The following ZFHX3 variants were observed in gnomAD, a reference collection of about 807,000 sequenced individuals.
ZFHX3 encodes the protein zinc finger homeobox 3.
ZFHX3 carries 42 observed loss-of-function variants against 279.1 expected under a neutral mutation model. The ratio of observed to expected loss-of-function variants is 0.15; its 90% CI spans 0.12 to 0.19. ZFHX3 has a LOEUF of 0.19. ZFHX3 is among the 10% of genes least tolerant of loss of function. The pLI, the probability that ZFHX3 is intolerant of heterozygous loss-of-function variation, is 1.00. For synonymous variants in ZFHX3, 2,293 were observed against 1,957.8 expected (o/e 1.17, Z -4.52); for missense variants, 4,981 against 4,754.0 (o/e 1.05, Z -1.40).
intron 3 of ZFHX3, among the ~76,000 whole-genome samples, chr16:72,908,346 A>G (rs1475569845): frequency 1.3e-5 from 2 of 152,254 alleles, no homozygotes; most frequent in Non-Finnish European, 2.9e-5. Context: ...ACCAGGGGCC[A>G]TGAGGCTTGA....
intron 7 of ZFHX3, among the ~76,000 whole-genome samples, chr16:73,106,969 G>A (rs1431976193): frequency 6.6e-6 from 1 of 152,166 alleles, no homozygotes; most frequent in Non-Finnish European, 1.5e-5. Context: ...CGGTTAGCAG[G>A]TGAGTCACTT....
chr16:73,006,346 A>G (rs1963700575), intron 1 of ZFHX3, among the ~76,000 whole-genome samples: 1 of 152,180 alleles, frequency 6.6e-6, no homozygotes, highest in African/African-American at 2.4e-5. Flanking sequence ...AATGCAGTCA[A>G]GTGTGACGGC....
At chr16:73,554,119 A>G (rs2020240882) in intron 2 of ZFHX3, among the ~76,000 whole-genome samples, 4 of 152,188 alleles carry the variant, frequency 2.6e-5, no homozygotes, top group Admixed American at 2.6e-4. Context: ...GCCAAGATTC[A>G]TCTCACTCTG....
intron 3 of ZFHX3, among the ~76,000 whole-genome samples, chr16:73,432,126 G>C (rs1457032117): frequency 6.6e-6 from 1 of 152,176 alleles, no homozygotes. Flanking sequence ...CTAAGCACAA[G>C]AAATAGAGTC....
At chr16:73,232,032 C>G (rs557823021) in intron 5 of ZFHX3, 1 of 152,316 alleles carries the variant, frequency 6.6e-6, no homozygotes, top group East Asian at 1.9e-4. Flanking sequence ...CAAGACATGG[C>G]GCTGACGGGA....
At chr16:73,593,905 T>C (rs868358058) in intron 2 of ZFHX3, among the ~76,000 whole-genome samples, 4 of 152,210 alleles carry the variant, frequency 2.6e-5, no homozygotes, top group Non-Finnish European at 5.9e-5. Flanking sequence ...ATCCTTTGTC[T>C]GACACAACGT....
At chr16:72,854,939 G>GA (rs376101622) in intron 4 of ZFHX3, among the ~76,000 whole-genome samples, 1 of 18,862 alleles carries the variant, frequency 5.3e-5, no homozygotes, top group African/African-American at 1.9e-4. Context: ...ATTGGTGGGT[G>GA]GGGGGGGGGT....
rs879457964 is a variant in ZFHX3 at position 73,504,769 on chromosome 16, G to C, written c.-1546-48511C>G. On this transcript the variant is annotated intron_variant, in intron 2 of 17. Transcript: ENST00000641206. ...ATGAAAGCTATCAGGATCTTCCCAC[G>C]TTTCCTGTCATTCCGTGGAGATTGG... 2 of 152,126 alleles carry C rather than the reference G, an allele frequency of 1.3e-5. 1 individual carries two copies. Among genetic ancestry groups the C allele is most frequent in the Admixed American group, 1.3e-4 (2 of 15,260 alleles). The allele number at this position is 152,126 out of a possible 1,614,324, so 9.4% of individuals were successfully genotyped here.
chr16:73,195,446 T>G (rs1244030734), intron 5 of ZFHX3, among the ~76,000 whole-genome samples: 1 of 144,622 alleles, frequency 6.9e-6, no homozygotes, highest in Non-Finnish European at 1.5e-5. Context: ...TGAGATGGAG[T>G]CTTGCTCTGT....
At chr16:73,651,566 G>A (rs146914393) in intron 2 of ZFHX3, among the ~76,000 whole-genome samples, 589 of 151,470 alleles carry the variant, frequency 3.9e-3, no homozygotes, top group Non-Finnish European at 5.7e-3. Flanking sequence ...GGCCGGGCAC[G>A]GTGGCTCACG....
At chr16:73,353,850 A>C (rs1365782360) in intron 3 of ZFHX3, among the ~76,000 whole-genome samples, 2 of 152,228 alleles carry the variant, frequency 1.3e-5, no homozygotes, top group Admixed American at 1.3e-4. Flanking sequence ...TGTTATTTTT[A>C]TTTATCAAAT....
rs148891422 is a variant in ZFHX3 at position 73,375,692 on chromosome 16, A to G, written c.-1290-57356T>C. On this transcript the variant is annotated intron_variant, in intron 3 of 17. Transcript: ENST00000641206. ...CTGTATCTCCTTTTCTCCATGCTAAAAAATCTCAATTATCCATGATAATAA... is the reference window on the plus strand; with the variant it reads ...CTGTATCTCCTTTTCTCCATGCTAAGAAATCTCAATTATCCATGATAATAA... 4.6e-3 allele frequency among the ~76,000 whole-genome samples: 706 copies of G among 152,362 alleles called. 1 individual carries two copies. Among genetic ancestry groups the G allele is most frequent in the South Asian group, 8.1e-3 (39 of 4,828 alleles).
At chr16:73,089,697 C>T (rs1966049060) in intron 8 of ZFHX3, among the ~76,000 whole-genome samples, 1 of 152,210 alleles carries the variant, frequency 6.6e-6, no homozygotes, top group South Asian at 2.1e-4. Flanking sequence ...GGAAGGCTCT[C>T]ATCCTTGCAG....
At chr16:72,812,080 G>A (rs201596767) in intron 5 of ZFHX3, 42 bp from the exon 6 acceptor site, 47 of 1,604,272 alleles carry the variant, frequency 2.9e-5, no homozygotes, top group Non-Finnish European at 3.7e-5. Context: ...AGCCAGACCA[G>A]GCCAGCTCCC....
chr16:73,662,087 G>A (rs1428904138), intron 2 of ZFHX3, among the ~76,000 whole-genome samples: 1 of 150,812 alleles, frequency 6.6e-6, no homozygotes, highest in Non-Finnish European at 1.5e-5. Context: ...AAAATGCTGT[G>A]GCAGGTGACA....
At chr16:73,841,479 C>T (rs1054553588) in intron 1 of ZFHX3, among the ~76,000 whole-genome samples, 1 of 152,026 alleles carries the variant, frequency 6.6e-6, no homozygotes, top group East Asian at 1.9e-4. Context: ...GCTGGGAGAT[C>T]GGCATGACCA....
chr16:73,388,660 C>T (rs781404429), intron 3 of ZFHX3, among the ~76,000 whole-genome samples: 7 of 152,134 alleles, frequency 4.6e-5, no homozygotes, highest in Admixed American at 2.6e-4. Flanking sequence ...TCCTGAGAGT[C>T]GAAGACTTCC....
chr16:72,952,842 C>A (rs562682559), intron 2 of ZFHX3, among the ~76,000 whole-genome samples: 1 of 152,136 alleles, frequency 6.6e-6, no homozygotes, highest in Non-Finnish European at 1.5e-5. Flanking sequence ...TTCCTAGAAG[C>A]GTACGGTCAA....
intron 1 of ZFHX3, among the ~76,000 whole-genome samples, chr16:73,694,245 C>G (rs533960828): frequency 6.6e-6 from 1 of 152,138 alleles, no homozygotes; most frequent in Non-Finnish European, 1.5e-5. Flanking sequence ...ATCGCTTGAA[C>G]TGGGGAGGCA....
Sources: gnomAD v4.1 joint callset for allele counts (sites outside exome capture counted in the v4.1 genomes callset) on GRCh38, gnomAD v4.1.1 for gene constraint, MANE v1.5 for transcripts, NCBI Gene and HGNC (gene_info 2026-07-23, HGNC 2026-07-21) for gene names.